The following ARHGAP15 variants were observed in gnomAD, a reference collection of about 807,000 sequenced individuals.
The protein encoded by ARHGAP15 is Rho GTPase activating protein 15, also known as rho GTPase-activating protein 15.
ARHGAP15 carries 51 observed loss-of-function variants against 63.7 expected under a neutral mutation model. That is an observed-to-expected ratio of 0.80 (90% confidence interval 0.64 to 1.01). The LOEUF (loss-of-function observed/expected upper bound fraction) is 1.01. Ranked by LOEUF, ARHGAP15 falls within the 50% of genes least tolerant of loss-of-function variation. The pLI is 0.00. For missense variants in ARHGAP15, 560 were observed against 564.6 expected (o/e 0.99, Z 0.08); for synonymous variants, 191 against 193.8 (o/e 0.99, Z 0.12).
At chr2:143,294,000 A>T (rs1457029337) in intron 6 of ARHGAP15, among the ~76,000 whole-genome samples, 2 of 152,072 alleles carry the variant, frequency 1.3e-5, no homozygotes, top group African/African-American at 4.8e-5. Flanking sequence ...CTCAATGGTA[A>T]ATTAGTCTTA....
At chr2:143,673,784 A>ATGTATATATATATATGTATATATAT (rs71404481) in intron 12 of ARHGAP15, among the ~76,000 whole-genome samples, 3 of 114,202 alleles carry the variant, frequency 2.6e-5, no homozygotes, top group African/African-American at 8.6e-5. Context: ...ATATATATAT[A>ATGTATATATATATATGTATATATAT]AACAACTCCT....
At chr2:143,192,928 T>C (rs1691735936) in intron 2 of ARHGAP15, among the ~76,000 whole-genome samples, 1 of 152,208 alleles carries the variant, frequency 6.6e-6, no homozygotes, top group East Asian at 1.9e-4. Context: ...CTTACACCCA[T>C]GGTAAATATC....
At chr2:143,282,923 TC>T (rs1681922011) in intron 6 of ARHGAP15, among the ~76,000 whole-genome samples, 1 of 152,150 alleles carries the variant, frequency 6.6e-6, no homozygotes, top group Admixed American at 6.6e-5. Context: ...AGCCAGCCCT[TC>T]AATACAATCA....
At chr2:143,223,381 C>T (rs1693075230) in intron 4 of ARHGAP15, among the ~76,000 whole-genome samples, 1 of 152,168 alleles carries the variant, frequency 6.6e-6, no homozygotes, top group South Asian at 2.1e-4. Context: ...TGATGGCTGT[C>T]TCCCTTACTC....
At chr2:143,502,830 T>C (rs1693128033) in intron 9 of ARHGAP15, among the ~76,000 whole-genome samples, 2 of 152,174 alleles carry the variant, frequency 1.3e-5, no homozygotes, top group Admixed American at 6.5e-5. Context: ...TCCACCCACC[T>C]CAACCTCCCC....
intron 12 of ARHGAP15, 30 bp downstream of exon 12, chr2:143,624,297 T>G: frequency 6.3e-7 from 1 of 1,587,056 alleles, no homozygotes; most frequent in African/African-American, 1.3e-5. Flanking sequence ...GGGCAGGTGG[T>G]AGAATAACCT....
intron 2 of ARHGAP15, among the ~76,000 whole-genome samples, chr2:143,197,724 A>G (rs1217714707): frequency 1.3e-5 from 2 of 151,978 alleles, no homozygotes; most frequent in African/African-American, 2.4e-5. Flanking sequence ...TCTTTTTTCA[A>G]CATCTTCATA....
chr2:143,559,416 C>A (rs960594506), intron 11 of ARHGAP15, among the ~76,000 whole-genome samples: 1 of 152,142 alleles, frequency 6.6e-6, no homozygotes, highest in African/African-American at 2.4e-5. Flanking sequence ...TCTGGTAGCA[C>A]AGAATTGTCA....
chr2:143,729,004 C>T (rs769075375), intron 13 of ARHGAP15, among the ~76,000 whole-genome samples: 2 of 152,154 alleles, frequency 1.3e-5, no homozygotes, highest in Non-Finnish European at 2.9e-5. Context: ...AGACTTAAAC[C>T]GACACTCAAG....
At chr2:143,310,360 T>A (rs923186474) in intron 6 of ARHGAP15, among the ~76,000 whole-genome samples, 16 of 152,052 alleles carry the variant, frequency 1.1e-4, no homozygotes, top group African/African-American at 3.6e-4. Flanking sequence ...TATATCGGTA[T>A]GTTATCATGA....
At chr2:143,713,129 G>A (rs972636370) in intron 13 of ARHGAP15, among the ~76,000 whole-genome samples, 2 of 152,160 alleles carry the variant, frequency 1.3e-5, no homozygotes, top group Admixed American at 6.5e-5. Context: ...TCATGCTTCT[G>A]ATAAAGACAT....
chr2:143,570,466 A>G (rs1206224021), intron 11 of ARHGAP15, among the ~76,000 whole-genome samples: 1 of 152,216 alleles, frequency 6.6e-6, no homozygotes, highest in Non-Finnish European at 1.5e-5. Flanking sequence ...TATCTTTTAA[A>G]CCTGTCTCTC....
At chr2:143,275,800 A>C (rs929053279) in intron 6 of ARHGAP15, among the ~76,000 whole-genome samples, 2 of 152,178 alleles carry the variant, frequency 1.3e-5, no homozygotes, top group African/African-American at 4.8e-5. Flanking sequence ...GCTTTGAAAC[A>C]ATGGATAAGC....
chr2:143,721,061 C>CA (rs60500194), intron 13 of ARHGAP15, among the ~76,000 whole-genome samples: 7,474 of 78,396 alleles, frequency 0.095, 529 homozygotes, highest in Middle Eastern at 0.2. Context: ...GACTCCGTCT[C>CA]AAAAAAAAAA....
intron 12 of ARHGAP15, chr2:143,656,007 C>T (rs1681415518): frequency 6.6e-6 from 1 of 152,218 alleles, no homozygotes; most frequent in Admixed American, 6.5e-5. Context: ...TAAGCACATT[C>T]TCACTCTGAA....
intron 9 of ARHGAP15, among the ~76,000 whole-genome samples, chr2:143,506,700 T>G (rs572169846): frequency 6.6e-6 from 1 of 152,282 alleles, no homozygotes; most frequent in South Asian, 2.1e-4. Context: ...TTTGGTCATG[T>G]TAATTATTTG....
intron 6 of ARHGAP15, among the ~76,000 whole-genome samples, chr2:143,409,684 T>C (rs1052066798): frequency 3.9e-5 from 6 of 152,120 alleles, no homozygotes; most frequent in Non-Finnish European, 7.4e-5. Flanking sequence ...CCATACCATT[T>C]CTATGCTTAA....
At chr2:143,701,192 T>C (rs978979669) in intron 12 of ARHGAP15, among the ~76,000 whole-genome samples, 4 of 152,312 alleles carry the variant, frequency 2.6e-5, no homozygotes, top group African/African-American at 9.6e-5. Flanking sequence ...CATCCCACTT[T>C]AGCCAAATAC....
At chr2:143,284,486 A>T (rs1681999581) in intron 6 of ARHGAP15, among the ~76,000 whole-genome samples, 1 of 152,212 alleles carries the variant, frequency 6.6e-6, no homozygotes, top group African/African-American at 2.4e-5. Context: ...ACCACTACGA[A>T]ATCAGCTGAG....
Sources: allele counts gnomAD v4.1 joint callset (sites outside exome capture counted in the v4.1 genomes callset), GRCh38; gene constraint gnomAD v4.1.1; transcripts MANE v1.5; gene names NCBI Gene and HGNC (gene_info 2026-07-23, HGNC 2026-07-21).